The following P2RX7 variants were observed in gnomAD, a reference collection of about 807,000 sequenced individuals.
The protein encoded by P2RX7 is P2X purinoceptor 7.
P2RX7 carries 62 observed loss-of-function variants against 71.6 expected under a neutral mutation model. The ratio of observed to expected loss-of-function variants is 0.87; its 90% CI spans 0.71 to 1.07. The LOEUF (loss-of-function observed/expected upper bound fraction) is 1.07, where lower values mean the gene tolerates loss of function less well. Ranked by LOEUF, P2RX7 falls within the 50% of genes least tolerant of loss-of-function variation. The pLI is 0.00. For synonymous variants in P2RX7, 299 were observed against 283.3 expected, an observed-to-expected ratio of 1.06 and a Z score of -0.56; for missense variants, 686 against 748.5, an observed-to-expected ratio of 0.92 and a Z score of 0.97.
At chr12:121,180,515 C>T (rs1883970711) in intron 12 of P2RX7, 60 bp downstream of exon 12, 1 of 803,510 alleles carries the variant, frequency 1.2e-6, no homozygotes, top group Non-Finnish European at 2.0e-6. Flanking sequence ...TAAATATAAA[C>T]ACATCTAGAA....
Position 121,185,089 on chromosome 12 carries a change from A to C in P2RX7, c.*287A>C, listed in dbSNP as rs201908134. ...GGCACAGCAAACTGTCCCCCAAAAA[A>C]AAAAAAGAGTCCTTACCAATAGCAG... On this transcript the variant is annotated 3_prime_UTR_variant, in exon 13 of 13. Coordinates refer to ENST00000328963, the MANE Select transcript of P2RX7 (RefSeq NM_002562.6). 1.4e-5 allele frequency: 4 copies of C among 285,264 alleles called. No homozygotes were observed. The highest frequency in any genetic ancestry group is 2.6e-5 in the Non-Finnish European group (4 of 151,874). 17.7% of individuals were successfully genotyped at this position (285,264 alleles called of 1,614,324 possible).
At chr12:121,180,977 A>G (rs1171063291) in intron 12 of P2RX7, among the ~76,000 whole-genome samples, 1 of 151,194 alleles carries the variant, frequency 6.6e-6, no homozygotes. Flanking sequence ...AAAAAAAAAG[A>G]AAAAAATGTA....
intron 1 of P2RX7, among the ~76,000 whole-genome samples, chr12:121,138,763 C>T (rs1464155423): frequency 6.6e-6 from 1 of 152,198 alleles, no homozygotes; most frequent in South Asian, 2.1e-4. Flanking sequence ...AATTGCTGAC[C>T]CCCTATTCTT....
At position 121,157,390 on chromosome 12, in the gene P2RX7, C is replaced by T. The variant is rs184760502; in HGVS notation, c.363+1243C>T. On this transcript the variant is annotated intron_variant, in intron 3 of 12. Transcript: ENST00000328963. ...AAATTCAGAACCAAGATAACATTCC[C>T]TTGGTGTCTATCTTGATAACACTCC... Among the ~76,000 whole-genome samples the T allele has an allele frequency of 3.2e-3, 493 of 152,314 alleles. 5 individuals are homozygous for T. The highest frequency in any genetic ancestry group is 0.011 in the African/African-American group (468 of 41,576).
At chr12:121,133,937 TG>T (rs772087347) in intron 1 of P2RX7, among the ~76,000 whole-genome samples, 38 of 152,350 alleles carry the variant, frequency 2.5e-4, no homozygotes, top group Non-Finnish European at 4.6e-4. Context: ...TTGTCCAGGC[TG>T]GTCTCAAACT....
intron 1 of P2RX7, among the ~76,000 whole-genome samples, chr12:121,147,608 GTTTGT>G (rs1170013978): frequency 2.9e-5 from 3 of 104,514 alleles, no homozygotes; most frequent in Admixed American, 1.6e-4. Context: ...TTTTGTTGTT[GTTTGT>G]TTGTTTGTTT....
At position 121,155,427 on chromosome 12, in the gene P2RX7, G is replaced by A. The variant is rs950587132; in HGVS notation, c.294+474G>A. The A allele has an allele frequency of 3.6e-5, 46 of 1,267,830 alleles. 1 individual carries two copies. The highest frequency in any genetic ancestry group is 3.2e-4 in the African/African-American group (21 of 65,456). 78.5% of individuals were successfully genotyped at this position (1,267,830 alleles called of 1,614,324 possible). On this transcript the variant is annotated intron_variant, in intron 2 of 12. Transcript: ENST00000328963. ...AAATGACAAAAAGAAGAAAGGCATC[G>A]GTCACTGAGAGAAGGCGTGTGACTT...
intron 8 of P2RX7, among the ~76,000 whole-genome samples, chr12:121,171,485 A>G (rs1313291075): frequency 6.9e-6 from 1 of 144,018 alleles, no homozygotes; most frequent in Non-Finnish European, 1.5e-5. Context: ...TCTCTCCTTT[A>G]TCTTATAAAG....
intron 11 of P2RX7, among the ~76,000 whole-genome samples, chr12:121,179,456 C>T (rs1041536520): frequency 1.3e-5 from 2 of 149,686 alleles, no homozygotes; most frequent in African/African-American, 2.5e-5. Flanking sequence ...GCCAGGATTG[C>T]GCCATTGCAC....
chr12:121,175,076 G>GAGGC (rs1420749744), intron 8 of P2RX7, among the ~76,000 whole-genome samples: 1 of 152,048 alleles, frequency 6.6e-6, no homozygotes, highest in Non-Finnish European at 1.5e-5. Flanking sequence ...TTGGGAGCCT[G>GAGGC]AGGCAGGCAA....
chr12:121,135,098 T>C (rs1192803540), intron 1 of P2RX7, among the ~76,000 whole-genome samples: 1 of 152,046 alleles, frequency 6.6e-6, no homozygotes, highest in Non-Finnish European at 1.5e-5. Context: ...CCCAACACTT[T>C]GGGAGGCCAA....
chr12:121,180,395 G>A lies in P2RX7; in HGVS notation c.1230G>A (p.Arg410=), dbSNP rs1883940230. 6.2e-7 allele frequency: 1 copy of A among 1,607,704 alleles called. No homozygotes were observed. Among genetic ancestry groups the A allele is most frequent in the Non-Finnish European group, 8.5e-7 (1 of 1,176,666 alleles). ...CCTTTGTGGATGAATCCCACATTAG[G>A]ATGGTGAACCAGCAGCTACTAGGGA... is the stretch of plus-strand genomic sequence containing the variant. ...YVSFVDESHI[R]MVNQQLLGRS... The change falls in exon 12 of 13, where the codon AGG becomes AGA. Residue 410 remains arginine (R), a synonymous_variant. Transcript: ENST00000328963.
chr12:121,180,227 G>T, intron 11 of P2RX7, 127 bp from the exon 12 acceptor site: 4 of 388,896 alleles, frequency 1.0e-5, no homozygotes, highest in Admixed American at 4.2e-5. Context: ...CTTGGTTAAT[G>T]AGAGTTTTGA....
At position 121,166,057 on chromosome 12, in the gene P2RX7, G is replaced by A; in HGVS notation, c.615-1G>A. On this transcript the variant is annotated splice_acceptor_variant, in intron 6 of 12. Coordinates refer to ENST00000328963, the MANE Select transcript of P2RX7 (RefSeq NM_002562.6). LOFTEE classifies it high-confidence loss of function. ...GTTTGTTTGCTTTTAATTATGCACA[G>A]GAGAAACATCCTGCCAGGTTTAAAC... 1 of 1,612,358 alleles carries A rather than the reference G, an allele frequency of 6.2e-7. No homozygotes were observed. The highest frequency in any genetic ancestry group is 8.5e-7 in the Non-Finnish European group (1 of 1,178,740).
chr12:121,170,479 A>G (rs1281003919), intron 8 of P2RX7, among the ~76,000 whole-genome samples: 1 of 152,158 alleles, frequency 6.6e-6, no homozygotes, highest in Non-Finnish European at 1.5e-5. Context: ...TCTGGCCAAA[A>G]ATAAATTGTT....
Position 121,154,400 on chromosome 12 carries a change from C to T in P2RX7, c.126-385C>T, listed in dbSNP as rs776528536. On this transcript the variant is annotated intron_variant, in intron 1 of 12. Coordinates refer to ENST00000328963, the MANE Select transcript of P2RX7 (RefSeq NM_002562.6). This position sits in a 1 kb window ranked among gnomAD's most constrained non-coding sequence, Gnocchi z 4.2. ...AGATGCAGCCTTAGACTGGAAGGTGCTGATGTGTTACTGAGCCTCCAGACA... is the reference window on the plus strand; with the variant it reads ...AGATGCAGCCTTAGACTGGAAGGTGTTGATGTGTTACTGAGCCTCCAGACA... 7.2e-5 allele frequency among the ~76,000 whole-genome samples: 11 copies of T among 152,090 alleles called. No homozygotes were observed. Among genetic ancestry groups the T allele is most frequent in the Non-Finnish European group, 1.3e-4 (9 of 68,034 alleles).
At chr12:121,172,833 C>A (rs996383223) in intron 8 of P2RX7, among the ~76,000 whole-genome samples, 1 of 152,314 alleles carries the variant, frequency 6.6e-6, no homozygotes, top group Non-Finnish European at 1.5e-5. Flanking sequence ...ATGTTTCTTA[C>A]TATTTTTTGG....
At chr12:121,160,118 TTC>T (rs1190358891) in intron 3 of P2RX7, among the ~76,000 whole-genome samples, 1 of 151,774 alleles carries the variant, frequency 6.6e-6, no homozygotes, top group African/African-American at 2.4e-5. Context: ...TTTCCTTTCT[TTC>T]TTTCTTTTTC....
chr12:121,162,726 C>G (rs1186055), intron 5 of P2RX7, among the ~76,000 whole-genome samples: 1 of 151,888 alleles, frequency 6.6e-6, no homozygotes, highest in African/African-American at 2.4e-5. Context: ...TGTTGTAACA[C>G]TCCTGTACCA....
Sources: allele counts gnomAD v4.1 joint callset (sites outside exome capture counted in the v4.1 genomes callset), GRCh38; gene constraint gnomAD v4.1.1; non-coding constraint Gnocchi (gnomAD v3.1); transcripts MANE v1.5; gene names NCBI Gene and HGNC (gene_info 2026-07-23, HGNC 2026-07-21).